The following PAPPA variants were observed in gnomAD, a reference collection of about 807,000 sequenced individuals.
PAPPA encodes the protein pappalysin-1.
Under a neutral mutation model 164.0 loss-of-function variants are expected in PAPPA, and 60 were observed. The observed-to-expected ratio is 0.37, with a 90% confidence interval of 0.30 to 0.45. PAPPA has a LOEUF of 0.45. Ranked by LOEUF, PAPPA falls within the 20% of genes least tolerant of loss-of-function variation. The pLI, the probability that PAPPA is intolerant of heterozygous loss-of-function variation, is 1.00. For synonymous variants in PAPPA, 875 were observed against 814.1 expected (o/e 1.07, Z -1.27); for missense variants, 1,782 against 2,087.3 (o/e 0.85, Z 2.85).
intron 9 of PAPPA, among the ~76,000 whole-genome samples, chr9:116,280,100 C>T (rs553622360): frequency 1.3e-5 from 2 of 152,222 alleles, no homozygotes; most frequent in East Asian, 1.9e-4. Flanking sequence ...CATGTGCAGT[C>T]GGACCCAGGC....
chr9:116,276,652 A>C (rs1845201952), intron 9 of PAPPA, among the ~76,000 whole-genome samples: 1 of 151,772 alleles, frequency 6.6e-6, no homozygotes, highest in Admixed American at 6.6e-5. Context: ...AAGGAAAGGG[A>C]CCCCCACGTC....
rs115026433 is a variant in PAPPA at position 116,340,056 on chromosome 9, A to G, written c.3612-4487A>G. Among the ~76,000 whole-genome samples the G allele has an allele frequency of 9.0e-3, 1,372 of 152,306 alleles. 18 individuals carry two copies. The highest frequency in any genetic ancestry group is 0.032 in the African/African-American group (1,323 of 41,548). On this transcript the variant is annotated intron_variant, in intron 13 of 21. Transcript: ENST00000328252. ...TTGCCCAGGTTTGAGAATTTGATCTATAGAATTACCTGCATTCTTTCCCGC... is the reference window on the plus strand; with the variant it reads ...TTGCCCAGGTTTGAGAATTTGATCTGTAGAATTACCTGCATTCTTTCCCGC...
At chr9:116,329,074 C>T (rs1196957298) in intron 10 of PAPPA, among the ~76,000 whole-genome samples, 4 of 152,112 alleles carry the variant, frequency 2.6e-5, no homozygotes, top group African/African-American at 9.7e-5. Context: ...TTTCCAAGAC[C>T]TCCTCGAAGC....
intron 9 of PAPPA, among the ~76,000 whole-genome samples, chr9:116,274,093 A>G (rs905868579): frequency 3.3e-5 from 5 of 152,122 alleles, no homozygotes; most frequent in Admixed American, 2.6e-4. Flanking sequence ...GCAAAAAAAA[A>G]AAAGATAGCT....
At chr9:116,188,377 A>G (rs915337258) in intron 2 of PAPPA, among the ~76,000 whole-genome samples, 161 bp downstream of exon 2, 2 of 152,168 alleles carry the variant, frequency 1.3e-5, no homozygotes, top group East Asian at 3.8e-4. Flanking sequence ...CATTGTGGAG[A>G]CCATAGGTAA....
At chr9:116,307,535 G>A (rs1845662286) in intron 10 of PAPPA, among the ~76,000 whole-genome samples, 1 of 152,114 alleles carries the variant, frequency 6.6e-6, no homozygotes, top group African/African-American at 2.4e-5. Flanking sequence ...GGTTCAAGCG[G>A]TTGCAGTGAG....
rs756727683 is a variant in PAPPA at position 116,220,139 on chromosome 9, C to A, written c.2111+10C>A. 22 of 1,604,536 alleles carry A rather than the reference C, an allele frequency of 1.4e-5. No individual in the cohort carries two copies. In the South Asian group the frequency reaches 2.4e-4, roughly 18 times the overall value. On this transcript the variant is annotated intron_variant, in intron 5 of 21. Coordinates refer to ENST00000328252, the MANE Select transcript of PAPPA (RefSeq NM_002581.5). ...GCCATTTCTTTGAAAGGTGAGTGTG[C>A]CCTGTGTAGTGTTGATCCCTCTCTC...
intron 20 of PAPPA, among the ~76,000 whole-genome samples, chr9:116,380,926 C>G (rs1588028618): frequency 6.6e-6 from 1 of 152,230 alleles, no homozygotes; most frequent in South Asian, 2.1e-4. Context: ...GGGGAGACCA[C>G]TGGATCACAG....
chr9:116,328,412 C>A (rs1251002065), intron 10 of PAPPA, among the ~76,000 whole-genome samples: 1 of 152,168 alleles, frequency 6.6e-6, no homozygotes, highest in Admixed American at 6.5e-5. Flanking sequence ...TACCCTTAGC[C>A]TCCTCAGTGT....
intron 1 of PAPPA, among the ~76,000 whole-genome samples, chr9:116,186,471 G>T (rs1293476530): frequency 1.3e-5 from 2 of 152,106 alleles, no homozygotes; most frequent in Admixed American, 1.3e-4. Flanking sequence ...TAGCTCTGAA[G>T]TGTGTTTTCT....
chr9:116,379,683 G>A (rs991577103), intron 20 of PAPPA, among the ~76,000 whole-genome samples: 5 of 152,060 alleles, frequency 3.3e-5, no homozygotes, highest in South Asian at 2.1e-4. Flanking sequence ...TGGATGATGC[G>A]CACAGTATAG....
chr9:116,164,820 T>C (rs1413737112), intron 1 of PAPPA, among the ~76,000 whole-genome samples: 1 of 152,190 alleles, frequency 6.6e-6, no homozygotes, highest in East Asian at 1.9e-4. Flanking sequence ...AATAGGCTAA[T>C]CTTAAGATGC....
intron 3 of PAPPA, 31 bp from the exon 4 acceptor site, chr9:116,211,608 T>C (rs1306903463): frequency 1.2e-6 from 2 of 1,601,634 alleles, no homozygotes; most frequent in Non-Finnish European, 1.7e-6. Flanking sequence ...GAGTACCTAG[T>C]TTGCCTGATT....
intron 10 of PAPPA, 23 bp downstream of exon 10, chr9:116,302,973 C>T (rs776260142): frequency 6.9e-6 from 11 of 1,604,604 alleles, no homozygotes; most frequent in Non-Finnish European, 9.4e-6. Flanking sequence ...CCATGTGTGG[C>T]ATTTCCTGCA....
rs555261557 is a variant in PAPPA at position 116,334,792 on chromosome 9, C to T, written c.3398-69C>T. 297 of 1,185,884 alleles carry T rather than the reference C, an allele frequency of 2.5e-4. 2 individuals are homozygous for T. The African/African-American group carries it at 3.9e-3, about 16-fold the overall frequency. The allele number at this position is 1,185,884 out of a possible 1,614,324, so 73.5% of individuals were successfully genotyped here. A position where few individuals can be genotyped will look rare whatever the true frequency, so the allele number is the denominator to read the frequency against. ...GGGTCTGGGGGCTTCGGGAAGGGCCCGTTGGGGAGGGCGTGACTGGCCTTG... is the reference window on the plus strand; with the variant it reads ...GGGTCTGGGGGCTTCGGGAAGGGCCTGTTGGGGAGGGCGTGACTGGCCTTG... On this transcript the variant is annotated intron_variant, in intron 12 of 21. Coordinates refer to ENST00000328252, the MANE Select transcript of PAPPA (RefSeq NM_002581.5).
At chr9:116,299,433 A>C (rs1461966944) in intron 9 of PAPPA, among the ~76,000 whole-genome samples, 6 of 152,150 alleles carry the variant, frequency 3.9e-5, no homozygotes, top group Non-Finnish European at 8.8e-5. Flanking sequence ...GGTCTTTAAC[A>C]TAATCAGGAA....
chr9:116,320,692 C>G (rs181187221), intron 10 of PAPPA, among the ~76,000 whole-genome samples: 16 of 152,240 alleles, frequency 1.1e-4, no homozygotes, highest in Admixed American at 9.2e-4. Context: ...CTGGCTCCCC[C>G]CTCTCTTTTT....
chr9:116,380,347 G>C (rs1846714990), intron 20 of PAPPA, among the ~76,000 whole-genome samples: 1 of 152,160 alleles, frequency 6.6e-6, no homozygotes, highest in Non-Finnish European at 1.5e-5. Flanking sequence ...AAAGGATATG[G>C]TTGCAGGAAA....
At chr9:116,233,889 GA>G (rs953178378) in intron 6 of PAPPA, among the ~76,000 whole-genome samples, 3 of 150,228 alleles carry the variant, frequency 2.0e-5, no homozygotes, top group Admixed American at 6.6e-5. Context: ...TGAGGCTGAA[GA>G]AAAAAAAAGA....
Sources: allele counts gnomAD v4.1 joint callset (sites outside exome capture counted in the v4.1 genomes callset), GRCh38; gene constraint gnomAD v4.1.1; transcripts MANE v1.5; gene names NCBI Gene and HGNC (gene_info 2026-07-23, HGNC 2026-07-21).